The following GNAL variants were observed in gnomAD, a reference collection of about 807,000 sequenced individuals.
GNAL encodes G protein subunit alpha L.
A neutral mutation model predicts 55.1 loss-of-function variants in GNAL; 18 were observed. That is an observed-to-expected ratio of 0.33 (90% CI 0.23 to 0.48). GNAL has a LOEUF of 0.48. GNAL is among the 20% of genes least tolerant of loss of function. The pLI, the probability that GNAL is intolerant of heterozygous loss-of-function variation, is 0.99. For missense variants in GNAL, 412 were observed against 614.1 expected, an observed-to-expected ratio of 0.67 and a Z score of 3.48; for synonymous variants, 253 against 237.0, an observed-to-expected ratio of 1.07 and a Z score of -0.62.
rs2037008284 is a variant in GNAL at position 11,885,199 on chromosome 18, A to T, written c.*4064A>T. 1 of 452,820 alleles carries T rather than the reference A, an allele frequency of 2.2e-6. No individual in the cohort carries two copies. The highest frequency in any genetic ancestry group is 4.8e-5 in the Admixed American group (1 of 21,000). 28.1% of individuals were successfully genotyped at this position (452,820 alleles called of 1,614,324 possible). On this transcript the variant is annotated 3_prime_UTR_variant, in exon 12 of 12. Coordinates refer to ENST00000334049, the MANE Select transcript of GNAL (RefSeq NM_182978.4). ...AAGTAAAAGAACCTGTCGTACCAGC[A>T]TCATGAGCTGGATGCAGGAGCCCAT...
chr18:11,735,627 C>T (rs886463637), intron 1 of GNAL, among the ~76,000 whole-genome samples: 1 of 151,858 alleles, frequency 6.6e-6, no homozygotes, highest in African/African-American at 2.4e-5. Flanking sequence ...TGGCATGCAC[C>T]TGTAGTAACA....
rs1052452354 is a variant in GNAL, at chr18:11,717,223, C to T, written c.376+27284C>T. Among the ~76,000 whole-genome samples the T allele has an allele frequency of 3.9e-5, 6 of 152,368 alleles. No homozygotes were observed. In the South Asian group the frequency reaches 1.2e-3, roughly 32 times the overall value. On this transcript the variant is annotated intron_variant, in intron 1 of 11. Coordinates refer to ENST00000334049, the MANE Select transcript of GNAL (RefSeq NM_182978.4). Reference sequence around the variant, plus strand: ...CGCTCCCAGTGCGGGGTCCGCGGAGCCCACGCCCACCCGGAAGTCACACTG... The same window carrying T: ...CGCTCCCAGTGCGGGGTCCGCGGAGTCCACGCCCACCCGGAAGTCACACTG...
At chr18:11,701,422 C>G (rs1232068571) in intron 1 of GNAL, among the ~76,000 whole-genome samples, 1 of 151,990 alleles carries the variant, frequency 6.6e-6, no homozygotes, top group Non-Finnish European at 1.5e-5. Flanking sequence ...GAAACCCCAT[C>G]TCTACTAAAA....
chr18:11,851,433 C>G, intron 5 of GNAL: 1 of 1,436,430 alleles, frequency 7.0e-7, no homozygotes, highest in African/African-American at 1.4e-5. Flanking sequence ...GAGCGGCGGC[C>G]GGGAGCGGAC....
intron 10 of GNAL, among the ~76,000 whole-genome samples, chr18:11,872,675 C>G (rs915552292): frequency 1.3e-5 from 2 of 152,218 alleles, no homozygotes; most frequent in Non-Finnish European, 2.9e-5. Context: ...CTGGTATGAG[C>G]TCTCCCTCTA....
chr18:11,689,763 A>G lies in GNAL; in HGVS notation c.200A>G (p.Lys67Arg). 1 of 1,518,074 alleles carries G rather than the reference A, an allele frequency of 6.6e-7. No individual in the cohort carries two copies. Among genetic ancestry groups the G allele is most frequent in the South Asian group, 1.2e-5 (1 of 81,754 alleles). The allele number at this position is 1,518,074 out of a possible 1,614,324, so 94.0% of individuals were successfully genotyped here. The change falls in exon 1 of 12, where the codon AAA (lysine) becomes AGA (arginine). Residue 67 changes from lysine to arginine, a missense_variant. This residue lies in a region of GNAL where 228 missense variants were observed against 194.8 expected (regional missense o/e 1.17). Transcript: ENST00000334049. Reference protein sequence around the residue: ...GEGSPACARPKADKPKEKRQR... With the variant: ...GEGSPACARPRADKPKEKRQR... ...GGGAGCCCGGCATGCGCTCGGCCCAAAGCAGACAAGCCGAAGGAGAAGCGG... is the reference window on the plus strand; with the variant it reads ...GGGAGCCCGGCATGCGCTCGGCCCAGAGCAGACAAGCCGAAGGAGAAGCGG...
intron 4 of GNAL, among the ~76,000 whole-genome samples, chr18:11,795,751 C>T (rs2034362174): frequency 6.6e-6 from 1 of 152,212 alleles, no homozygotes; most frequent in African/African-American, 2.4e-5. Flanking sequence ...CTGCTGCCAT[C>T]CAGGCCTCTG....
intron 1 of GNAL, among the ~76,000 whole-genome samples, chr18:11,712,845 T>C (rs2031870262): frequency 6.6e-6 from 1 of 152,194 alleles, no homozygotes; most frequent in Admixed American, 6.5e-5. Context: ...TTTCACAGAC[T>C]ACATTCCCTG....
At chr18:11,826,316 GC>G (rs2035245053) in intron 5 of GNAL, among the ~76,000 whole-genome samples, 1 of 12,034 alleles carries the variant, frequency 8.3e-5, no homozygotes, top group African/African-American at 1.5e-4. Context: ...AGGAGGAGGA[GC>G]GGGGAGCGGG....
rs2031167952 is a variant in GNAL, at chr18:11,689,612, G to C, written c.49G>C (p.Asp17His). The change falls in exon 1 of 12, where the codon GAC (aspartate) becomes CAC (histidine). Residue 17 changes from aspartate to histidine, a missense_variant. Asp to His is a moderately conservative substitution (Grantham distance 81). Coordinates refer to ENST00000334049, the MANE Select transcript of GNAL (RefSeq NM_182978.4). ...GCCGCTGCTTTTCGGGGGCCCAGGG[G>C]ACGACCCCTGCGCGGCCTCGGAGCC... is the stretch of plus-strand genomic sequence containing the variant. ...LRPLLFGGPG[D>H]DPCAASEPPV... The C allele has an allele frequency of 7.4e-7, 1 of 1,347,338 alleles. No individual in the cohort carries two copies. The highest frequency in any genetic ancestry group is 9.4e-7 in the Non-Finnish European group (1 of 1,060,212). 83.5% of individuals were successfully genotyped at this position (1,347,338 alleles called of 1,614,324 possible). A position where few individuals can be genotyped will look rare whatever the true frequency, so the allele number is the denominator to read the frequency against.
intron 5 of GNAL, among the ~76,000 whole-genome samples, chr18:11,849,419 G>A (rs771353177): frequency 1.3e-5 from 2 of 151,028 alleles, no homozygotes; most frequent in Non-Finnish European, 2.9e-5. Flanking sequence ...GGAGAATCGC[G>A]TGAACCCAGA....
intron 9 of GNAL, among the ~76,000 whole-genome samples, chr18:11,870,538 AT>A (rs796117173): frequency 6.6e-6 from 1 of 151,734 alleles, no homozygotes; most frequent in African/African-American, 2.4e-5. Flanking sequence ...AAAAAAAAAA[AT>A]TTTTTTAATT....
intron 1 of GNAL, among the ~76,000 whole-genome samples, chr18:11,737,181 G>A (rs1281420044): frequency 6.6e-6 from 1 of 152,122 alleles, no homozygotes; most frequent in Non-Finnish European, 1.5e-5. Flanking sequence ...AATCACATGC[G>A]GGTAAGTGGA....
At chr18:11,859,426 C>T (rs2036080609) in intron 5 of GNAL, among the ~76,000 whole-genome samples, 1 of 152,240 alleles carries the variant, frequency 6.6e-6, no homozygotes, top group Non-Finnish European at 1.5e-5. Context: ...ACGCTCTTCA[C>T]CCCACCACAT....
At chr18:11,859,236 A>G (rs1184391720) in intron 5 of GNAL, among the ~76,000 whole-genome samples, 1 of 152,164 alleles carries the variant, frequency 6.6e-6, no homozygotes, top group Non-Finnish European at 1.5e-5. Flanking sequence ...ATTTCTGATT[A>G]CAACTGTTGT....
At chr18:11,743,016 C>T (rs959422041) in intron 1 of GNAL, among the ~76,000 whole-genome samples, 17 of 152,226 alleles carry the variant, frequency 1.1e-4, no homozygotes, top group African/African-American at 4.1e-4. Context: ...TACTTGAATC[C>T]TCCTTTCCTT....
chr18:11,760,822 G>T (rs372772957), intron 4 of GNAL, among the ~76,000 whole-genome samples: 5 of 152,212 alleles, frequency 3.3e-5, no homozygotes, highest in African/African-American at 1.2e-4. Flanking sequence ...CCCAAACTGT[G>T]TTCAAATTCT....
chr18:11,834,266 C>T (rs1480414075), intron 5 of GNAL, among the ~76,000 whole-genome samples: 1 of 152,166 alleles, frequency 6.6e-6, no homozygotes, highest in East Asian at 1.9e-4. Context: ...CAACATCCAG[C>T]TTATTCCTGC....
chr18:11,740,315 A>G (rs571302992), intron 1 of GNAL, among the ~76,000 whole-genome samples: 52 of 152,136 alleles, frequency 3.4e-4, no homozygotes, highest in Admixed American at 7.2e-4. Flanking sequence ...TTTAGCTCAT[A>G]GCTACCCTGC....
Sources: gnomAD v4.1 joint callset for allele counts (sites outside exome capture counted in the v4.1 genomes callset) on GRCh38, gnomAD v4.1.1 for gene constraint, gnomAD v4.1.1 regional missense constraint, MANE v1.5 for transcripts, NCBI Gene and HGNC (gene_info 2026-07-23, HGNC 2026-07-21) for gene names.